PRKDC: variants seen among roughly 807,000 people sequenced by gnomAD.
PRKDC encodes the protein protein kinase, DNA-activated, catalytic subunit, also known as DNA-dependent protein kinase catalytic subunit.
Under a neutral mutation model 486.9 loss-of-function variants are expected in PRKDC, and 82 were observed. The ratio of observed to expected loss-of-function variants is 0.17; its 90% confidence interval spans 0.14 to 0.20. PRKDC has a LOEUF of 0.20. PRKDC is among the 10% of genes least tolerant of loss of function. The pLI, the probability that PRKDC is intolerant of heterozygous loss-of-function variation, is 1.00. For synonymous variants in PRKDC, 1,895 were observed against 1,837.0 expected, an observed-to-expected ratio of 1.03 and a Z score of -0.81; for missense variants, 4,504 against 5,038.2, an observed-to-expected ratio of 0.89 and a Z score of 3.21.
At chr8:47,813,862 C>T (rs2087385178) in intron 68 of PRKDC, among the ~76,000 whole-genome samples, 1 of 152,212 alleles carries the variant, frequency 6.6e-6, no homozygotes, top group Admixed American at 6.5e-5. Flanking sequence ...GCATAAGCCA[C>T]CACGCCTGGC....
chr8:47,899,228 T>A (rs2089636801), intron 28 of PRKDC, among the ~76,000 whole-genome samples: 1 of 152,226 alleles, frequency 6.6e-6, no homozygotes, highest in South Asian at 2.1e-4. Flanking sequence ...TTCACCCATA[T>A]GGGAAATCAA....
chr8:47,805,031 G>C (rs955759665), intron 69 of PRKDC: 1 of 152,070 alleles, frequency 6.6e-6, no homozygotes, highest in Non-Finnish European at 1.5e-5. Context: ...CAAAGTGCTG[G>C]GATTACAAGC....
chr8:47,882,805 C>T (rs568830733), intron 36 of PRKDC, among the ~76,000 whole-genome samples: 18 of 152,342 alleles, frequency 1.2e-4, no homozygotes, highest in African/African-American at 4.3e-4. Context: ...ATGCTTTTCC[C>T]TTTTTGCACA....
chr8:47,804,824 C>T (rs1187636249), intron 69 of PRKDC, among the ~76,000 whole-genome samples: 2 of 152,134 alleles, frequency 1.3e-5, no homozygotes, highest in African/African-American at 2.4e-5. Flanking sequence ...CACAGTGGCA[C>T]AATCTTGGCT....
chr8:47,804,101 TAA>T (rs1251846025), intron 69 of PRKDC, among the ~76,000 whole-genome samples: 1 of 152,152 alleles, frequency 6.6e-6, no homozygotes, highest in Non-Finnish European at 1.5e-5. Context: ...TTGGCAACAA[TAA>T]ATTCCCTTCC....
At chr8:47,935,676 AAAT>A in intron 13 of PRKDC, 53 bp downstream of exon 13, 1 of 1,554,420 alleles carries the variant, frequency 6.4e-7, no homozygotes, top group Admixed American at 1.8e-5. Context: ...TACCTATATC[AAAT>A]AATGTGTTAA....
intron 65 of PRKDC, 50 bp downstream of exon 65, chr8:47,821,554 A>G: frequency 6.6e-7 from 1 of 1,516,800 alleles, no homozygotes; most frequent in East Asian, 2.4e-5. Context: ...TTAAGTAGAA[A>G]ACACCTATCT....
At chr8:47,794,216 C>T (rs2086937898) in intron 74 of PRKDC, 74 bp downstream of exon 74, 7 of 1,184,832 alleles carry the variant, frequency 5.9e-6, no homozygotes, top group Non-Finnish European at 8.5e-6. Flanking sequence ...ATGTAGTGTC[C>T]ACGTGTGTGC....
intron 21 of PRKDC, among the ~76,000 whole-genome samples, chr8:47,925,733 C>T (rs189933882): frequency 1.3e-5 from 2 of 152,200 alleles, no homozygotes; most frequent in South Asian, 2.1e-4. Flanking sequence ...TATTCACAAA[C>T]GGTTCCAAAA....
At chr8:47,781,303 A>C (rs1049541004) in intron 80 of PRKDC, among the ~76,000 whole-genome samples, 2 of 152,228 alleles carry the variant, frequency 1.3e-5, no homozygotes, top group African/African-American at 4.8e-5. Context: ...AAATGTCTGG[A>C]ACTAAAAGTT....
intron 70 of PRKDC, among the ~76,000 whole-genome samples, chr8:47,802,129 C>CGGT (rs1483316107): frequency 6.6e-6 from 1 of 152,130 alleles, no homozygotes; most frequent in Non-Finnish European, 1.5e-5. Context: ...AGTGGCTACT[C>CGGT]ACACAGGCAC....
rs762166693 is a variant in PRKDC, at chr8:47,914,060, C to T, written c.2622G>A (p.Thr874=). The part of the protein sequence containing the change: ...GQINKNLLTV[T]SSDEMMKSYV... Reference sequence around the variant, plus strand: ...AGCTCTTCATCATCTCATCTGAGGACGTGACTGTTAGAAAAGATTTAAGAA... The same window carrying T: ...AGCTCTTCATCATCTCATCTGAGGATGTGACTGTTAGAAAAGATTTAAGAA... Residue 874 remains threonine (T), a synonymous_variant, in exon 24 of 86, where the codon ACG becomes ACA. Coordinates refer to ENST00000314191, the MANE Select transcript of PRKDC (RefSeq NM_006904.7). The T allele has an allele frequency of 8.1e-6, 12 of 1,482,934 alleles. No individual in the cohort carries two copies. The highest frequency in any genetic ancestry group is 1.4e-5 in the African/African-American group (1 of 70,414). The allele number at this position is 1,482,934 out of a possible 1,614,324, so 91.9% of individuals were successfully genotyped here. A position where few individuals can be genotyped will look rare whatever the true frequency, so the allele number is the denominator to read the frequency against.
intron 23 of PRKDC, among the ~76,000 whole-genome samples, chr8:47,914,676 C>T (rs1310191620): frequency 6.6e-6 from 1 of 151,882 alleles, no homozygotes; most frequent in African/African-American, 2.4e-5. Flanking sequence ...TGGCGTCTGT[C>T]TGTAATCCCA....
chr8:47,897,124 C>T (rs576601564), intron 30 of PRKDC, 37 bp downstream of exon 30: 5 of 1,540,388 alleles, frequency 3.2e-6, no homozygotes, highest in Non-Finnish European at 3.5e-6. Context: ...GATAATAAAG[C>T]ACCGTGGTGA....
intron 36 of PRKDC, among the ~76,000 whole-genome samples, chr8:47,883,970 T>C (rs562138580): frequency 5.0e-4 from 76 of 152,360 alleles, no homozygotes; most frequent in African/African-American, 1.8e-3. Context: ...CTGGCTATGA[T>C]GCCTGCATCT....
At chr8:47,933,206 C>T in intron 15 of PRKDC, 34 bp from the exon 16 acceptor site, 1 of 1,427,666 alleles carries the variant, frequency 7.0e-7, no homozygotes, top group Admixed American at 3.1e-5. Flanking sequence ...ACTTCAAAAT[C>T]TTGTGCAAAA....
chr8:47,929,361 A>G (rs920088070), intron 18 of PRKDC, among the ~76,000 whole-genome samples, 183 bp from the exon 19 acceptor site: 1 of 152,224 alleles, frequency 6.6e-6, no homozygotes, highest in African/African-American at 2.4e-5. Flanking sequence ...GAACAAGAGG[A>G]GGGAAGGTGG....
At chr8:47,879,384 T>C in intron 39 of PRKDC, 107 bp downstream of exon 39, 2 of 1,088,890 alleles carry the variant, frequency 1.8e-6, no homozygotes, top group Admixed American at 5.9e-5. Flanking sequence ...TTGGGTGGTT[T>C]ACAACTTCTC....
chr8:47,902,168 C>G (rs1237465965), intron 27 of PRKDC, among the ~76,000 whole-genome samples: 3 of 152,064 alleles, frequency 2.0e-5, no homozygotes, highest in African/African-American at 7.2e-5. Context: ...TTATCTCTAC[C>G]CCCCCACCAC....
Sources: gnomAD v4.1 joint callset for allele counts (sites outside exome capture counted in the v4.1 genomes callset) on GRCh38, gnomAD v4.1.1 for gene constraint, MANE v1.5 for transcripts, NCBI Gene and HGNC (gene_info 2026-07-23, HGNC 2026-07-21) for gene names.